TYW1: variants seen among roughly 807,000 people sequenced by gnomAD.
TYW1 encodes the protein tRNA-yW synthesizing protein 1 homolog.
A neutral mutation model predicts 96.2 loss-of-function variants in TYW1; 46 were observed. The ratio of observed to expected loss-of-function variants is 0.48; its 90% CI spans 0.38 to 0.61. The LOEUF (loss-of-function observed/expected upper bound fraction) is 0.61. Among genes scored for constraint, TYW1 ranks in the 20% least tolerant of loss-of-function variants. The probability of loss-of-function intolerance (pLI) is 0.00; values close to 1 mark genes in which losing one functional copy is unlikely to be tolerated. For missense variants in TYW1, 684 were observed against 909.6 expected (o/e 0.75, Z 3.19); for synonymous variants, 274 against 323.0 (o/e 0.85, Z 1.63).
At chr7:67,021,020 G>A (rs371289111) in intron 6 of TYW1, among the ~76,000 whole-genome samples, 44 of 152,370 alleles carry the variant, frequency 2.9e-4, no homozygotes, top group African/African-American at 1.0e-3. Flanking sequence ...AGAGCGAGAC[G>A]CTGTCTCCAA....
At chr7:67,157,730 C>T (rs571083046) in intron 13 of TYW1, among the ~76,000 whole-genome samples, 2 of 152,286 alleles carry the variant, frequency 1.3e-5, no homozygotes, top group East Asian at 3.9e-4. Context: ...CTTCTCTAGG[C>T]GGGACAGTTT....
intron 11 of TYW1, among the ~76,000 whole-genome samples, chr7:67,095,060 G>A (rs556237698): frequency 1.3e-5 from 2 of 151,548 alleles, no homozygotes; most frequent in Admixed American, 6.6e-5. Flanking sequence ...GTGCAGTGGC[G>A]CAGTCTCAGC....
At chr7:67,006,948 CTTTTTTTTTTTTTTTT>C (rs34475001) in intron 3 of TYW1, among the ~76,000 whole-genome samples, 3 of 45,118 alleles carry the variant, frequency 6.6e-5, no homozygotes, top group South Asian at 2.3e-3. Context: ...AGATGTGAGG[CTTTTTTTTTTTTTTTT>C]TTTTTTTTTT....
chr7:67,009,694 T>G lies in TYW1; in HGVS notation c.375+10T>G. On this transcript the variant is annotated intron_variant, in intron 4 of 15. Coordinates refer to ENST00000359626, the MANE Select transcript of TYW1 (RefSeq NM_018264.4). The stretch of plus-strand genomic sequence containing the variant: ...TCATCTGATAGAAGAGGTTGGTAAT[T>G]GTCTTTTTCTTCAGTCAAAACTCTC... 1 of 1,580,710 alleles carries G rather than the reference T, an allele frequency of 6.3e-7. No homozygotes were observed. The highest frequency in any genetic ancestry group is 1.2e-5 in the South Asian group (1 of 83,816).
At chr7:67,073,781 A>G (rs1368079231) in intron 10 of TYW1, among the ~76,000 whole-genome samples, 1 of 148,018 alleles carries the variant, frequency 6.8e-6, no homozygotes, top group African/African-American at 2.5e-5. Flanking sequence ...AAAAAAAAAA[A>G]AAAAAAAAAA....
chr7:67,210,039 T>G (rs1584699697), intron 15 of TYW1, among the ~76,000 whole-genome samples: 1 of 152,354 alleles, frequency 6.6e-6, no homozygotes, highest in East Asian at 1.9e-4. Context: ...GATTTGTGAT[T>G]GTTAACTGAA....
rs1472845963 is a variant in TYW1 at position 67,018,079 on chromosome 7, A to G, written c.797A>G (p.His266Arg). 2 of 1,614,100 alleles carry G rather than the reference A, an allele frequency of 1.2e-6. No individual in the cohort carries two copies. The highest frequency in any genetic ancestry group is 1.1e-5 in the South Asian group (1 of 91,090). The change falls in exon 6 of 16, where the codon CAT becomes CGT. Residue 266 changes from histidine (H) to arginine (R), a missense_variant. By Grantham distance (29) the His-to-Arg change is conservative. Transcript: ENST00000359626. ...CKKGKCESHQ[H>R]GSEEREEGSH... ...AAAGGCAAATGTGAATCTCACCAACATGGCTCAGAGGAGAGGGAGGAAGGA... is the reference window on the plus strand; with the variant it reads ...AAAGGCAAATGTGAATCTCACCAACGTGGCTCAGAGGAGAGGGAGGAAGGA...
At chr7:67,102,994 G>A (rs1353170725) in intron 12 of TYW1, among the ~76,000 whole-genome samples, 1 of 152,094 alleles carries the variant, frequency 6.6e-6, no homozygotes, top group African/African-American at 2.4e-5. Flanking sequence ...TAATATGAAG[G>A]GTGCTGTGCT....
chr7:67,065,226 G>T (rs1795820658), intron 9 of TYW1, among the ~76,000 whole-genome samples: 2 of 152,130 alleles, frequency 1.3e-5, no homozygotes, highest in Admixed American at 1.3e-4. Flanking sequence ...GTTCTTATAA[G>T]GACGGTAGTT....
chr7:67,069,854 T>C (rs1795979792), intron 10 of TYW1, among the ~76,000 whole-genome samples: 2 of 152,230 alleles, frequency 1.3e-5, no homozygotes, highest in African/African-American at 4.8e-5. Flanking sequence ...TTGTATGATA[T>C]GGGTCTGTTT....
chr7:67,040,570 C>A lies in TYW1; in HGVS notation c.985-9379C>A, dbSNP rs1017516467. 2.0e-5 allele frequency among the ~76,000 whole-genome samples: 3 copies of A among 151,996 alleles called. No individual in the cohort carries two copies. In the East Asian group the frequency reaches 5.8e-4, roughly 29 times the overall value. On this transcript the variant is annotated intron_variant, in intron 7 of 15. Coordinates refer to ENST00000359626, the MANE Select transcript of TYW1 (RefSeq NM_018264.4). The stretch of plus-strand genomic sequence containing the variant: ...TATTTAAAAGCTTTGTTTAGCAGGG[C>A]GCAGTGGCTCATGCCTGTAATCCTA...
intron 13 of TYW1, among the ~76,000 whole-genome samples, chr7:67,132,189 C>T (rs1248014094): frequency 1.3e-5 from 2 of 149,206 alleles, no homozygotes; most frequent in Admixed American, 1.3e-4. Flanking sequence ...TGGCTCACCA[C>T]AGCCTTGAAC....
chr7:67,036,210 C>T (rs1794837899), intron 7 of TYW1, among the ~76,000 whole-genome samples: 1 of 150,448 alleles, frequency 6.6e-6, no homozygotes, highest in South Asian at 2.1e-4. Context: ...CCCCCTCCCT[C>T]CCCAAGGTTT....
intron 12 of TYW1, among the ~76,000 whole-genome samples, chr7:67,104,369 C>A (rs1331627166): frequency 6.6e-6 from 1 of 152,178 alleles, no homozygotes; most frequent in Non-Finnish European, 1.5e-5. Context: ...GCAGGCACAT[C>A]TTCACACAGC....
At chr7:67,197,922 T>C (rs1458026853) in intron 15 of TYW1, among the ~76,000 whole-genome samples, 1 of 150,160 alleles carries the variant, frequency 6.7e-6, no homozygotes, top group Admixed American at 6.7e-5. Context: ...TTTGCTCCCG[T>C]TCTCTCTCGT....
intron 15 of TYW1, among the ~76,000 whole-genome samples, chr7:67,226,618 C>T (rs1801567333): frequency 6.6e-6 from 1 of 152,160 alleles, no homozygotes; most frequent in Non-Finnish European, 1.5e-5. Context: ...TGTTCAGGGA[C>T]ACCGATTTGA....
chr7:67,159,781 A>AC (rs1799099567), intron 13 of TYW1, among the ~76,000 whole-genome samples: 2 of 77,792 alleles, frequency 2.6e-5, no homozygotes, highest in African/African-American at 1.3e-4. Flanking sequence ...ACAATATCAC[A>AC]AAATTTTATT....
chr7:66,997,766 T>A (rs1793236121), intron 1 of TYW1, among the ~76,000 whole-genome samples: 1 of 151,862 alleles, frequency 6.6e-6, no homozygotes, highest in Admixed American at 6.6e-5. Flanking sequence ...GTAGCTGGGA[T>A]TACAGGTGCG....
At chr7:67,157,289 T>C (rs1799013960) in intron 13 of TYW1, among the ~76,000 whole-genome samples, 1 of 152,226 alleles carries the variant, frequency 6.6e-6, no homozygotes, top group African/African-American at 2.4e-5. Flanking sequence ...CAATATTTTT[T>C]GTTGTTTATT....
Sources: gnomAD v4.1 joint callset for allele counts (sites outside exome capture counted in the v4.1 genomes callset) on GRCh38, gnomAD v4.1.1 for gene constraint, MANE v1.5 for transcripts, NCBI Gene and HGNC (gene_info 2026-07-23, HGNC 2026-07-21) for gene names.